The following ACOT12 variants were observed in gnomAD, a reference collection of about 807,000 sequenced individuals.
The protein encoded by ACOT12 is acetyl-coenzyme A thioesterase.
In ACOT12, 51 loss-of-function variants were observed where a neutral mutation model predicts 67.7. The observed-to-expected ratio is 0.75, with a 90% CI of 0.60 to 0.95. The LOEUF (loss-of-function observed/expected upper bound fraction) is 0.95, where lower values mean the gene tolerates loss of function less well. Among genes scored for constraint, ACOT12 ranks in the 40% least tolerant of loss-of-function variants. The probability of loss-of-function intolerance (pLI) is 0.00; values close to 1 mark genes in which losing one functional copy is unlikely to be tolerated. For missense variants in ACOT12, 734 were observed against 708.1 expected (o/e 1.04, Z -0.41); for synonymous variants, 251 against 244.6 (o/e 1.03, Z -0.24).
At chr5:81,337,148 C>T (rs1759029839) in intron 11 of ACOT12, among the ~76,000 whole-genome samples, 1 of 152,128 alleles carries the variant, frequency 6.6e-6, no homozygotes, top group Admixed American at 6.6e-5. Flanking sequence ...GGTGTATATC[C>T]AGAGAGATTA....
At chr5:81,324,019 G>A in the ACOT12 span, among the ~76,000 whole-genome samples, 1 of 151,780 alleles carries the variant, frequency 6.6e-6, no homozygotes, top group Non-Finnish European at 1.5e-5. Context: ...TTGGCTCACT[G>A]CAACCTCTGT....
chr5:81,337,575 G>A (rs896329994), intron 11 of ACOT12, among the ~76,000 whole-genome samples: 9 of 152,158 alleles, frequency 5.9e-5, no homozygotes, highest in Non-Finnish European at 1.0e-4. Context: ...TGCTTATAGG[G>A]AGAACACATG....
intron 5 of ACOT12, among the ~76,000 whole-genome samples, chr5:81,357,440 G>A (rs954256101): frequency 4.6e-5 from 7 of 152,022 alleles, no homozygotes; most frequent in Admixed American, 6.6e-5. Flanking sequence ...CCTTGCTGCT[G>A]AGAGGGAAGG....
chr5:81,311,871 A>G, the ACOT12 span, among the ~76,000 whole-genome samples: 1 of 152,230 alleles, frequency 6.6e-6, no homozygotes, highest in South Asian at 2.1e-4. Flanking sequence ...CCTGGACTAG[A>G]ATGATAATCC....
chr5:81,329,120 T>C (rs1446622263), downstream of ACOT12, among the ~76,000 whole-genome samples: 5 of 152,204 alleles, frequency 3.3e-5, no homozygotes, highest in East Asian at 5.8e-4. Context: ...TCTACTCCTT[T>C]AACTTCACAA....
intron 4 of ACOT12, among the ~76,000 whole-genome samples, chr5:81,362,520 C>A (rs1759946542): frequency 6.6e-6 from 1 of 152,112 alleles, no homozygotes; most frequent in Admixed American, 6.6e-5. Flanking sequence ...AAGTCTGAGG[C>A]TGGAGGGGGA....
chr5:81,393,769 T>A (rs1760926012), intron 1 of ACOT12, among the ~76,000 whole-genome samples: 2 of 152,034 alleles, frequency 1.3e-5, no homozygotes, highest in South Asian at 4.2e-4. Context: ...CCTCACTTGT[T>A]TAATGGAATG....
the ACOT12 span, chr5:81,312,474 C>T: frequency 8.0e-7 from 1 of 1,245,490 alleles, no homozygotes; most frequent in Admixed American, 2.0e-5. Context: ...TTTCCCAAAC[C>T]AATAACAATC....
chr5:81,310,067 T>C, the ACOT12 span, among the ~76,000 whole-genome samples: 2 of 151,206 alleles, frequency 1.3e-5, no homozygotes, highest in Non-Finnish European at 2.9e-5. Flanking sequence ...AATGCTCAGG[T>C]GCATTTCAGT....
chr5:81,345,852 A>G (rs760001607), intron 7 of ACOT12, 33 bp downstream of exon 7: 1 of 1,611,890 alleles, frequency 6.2e-7, no homozygotes, highest in South Asian at 1.1e-5. Context: ...GCAAGTTTAA[A>G]TTTCTTCATA....
At chr5:81,319,705 G>A in the ACOT12 span, among the ~76,000 whole-genome samples, 11 of 146,432 alleles carry the variant, frequency 7.5e-5, no homozygotes, top group African/African-American at 2.5e-4. Flanking sequence ...CAACAAGAGC[G>A]AAACTGTCTC....
At chr5:81,346,081 CA>C in intron 6 of ACOT12, 77 bp from the exon 7 acceptor site, 1 of 1,572,354 alleles carries the variant, frequency 6.4e-7, no homozygotes, top group Non-Finnish European at 8.6e-7. Context: ...GACAAGTCTT[CA>C]AATAAGCATT....
chr5:81,330,562 A>G lies in ACOT12; in HGVS notation c.1519-19T>C. 1.9e-6 allele frequency: 3 copies of G among 1,611,162 alleles called. No individual in the cohort carries two copies. Among genetic ancestry groups the G allele is most frequent in the Non-Finnish European group, 2.5e-6 (3 of 1,178,482 alleles). The stretch of plus-strand genomic sequence containing the variant: ...AAGATACCTGTTTCAAAAAGAAAGT[A>G]CAATATTTTAATTTCTTATTGACTT... On this transcript the variant is annotated intron_variant, in intron 14 of 14. Transcript: ENST00000307624.
chr5:81,353,178 T>G (rs1759605504), intron 5 of ACOT12, among the ~76,000 whole-genome samples: 1 of 152,054 alleles, frequency 6.6e-6, no homozygotes, highest in South Asian at 2.1e-4. Flanking sequence ...TAGAGGGAGG[T>G]GCTAGGTGAG....
chr5:81,381,640 A>G (rs1760588041), intron 2 of ACOT12, among the ~76,000 whole-genome samples: 1 of 152,184 alleles, frequency 6.6e-6, no homozygotes, highest in Non-Finnish European at 1.5e-5. Flanking sequence ...ATACAGCACA[A>G]AATAAATAAA....
At position 81,345,034 on chromosome 5, in the gene ACOT12, C is replaced by G. The variant is rs1382031479; in HGVS notation, c.781G>C (p.Val261Leu). Residue 261 changes from valine to leucine, a missense_variant, in exon 8 of 15, where the codon GTT becomes CTT. By Grantham distance (32) the Val-to-Leu change is conservative. Transcript: ENST00000307624. ...VNNTFQTCVE[V>L]GVRVEAFDCQ... ...TCAAAGGCCTCCACGCGAACTCCAA[C>G]TTCAACACTGTGAAGGGTGATGCAG... is the stretch of plus-strand genomic sequence containing the variant. 1 of 1,614,090 alleles carries G rather than the reference C, an allele frequency of 6.2e-7. No homozygotes were observed. The highest frequency in any genetic ancestry group is 1.1e-5 in the South Asian group (1 of 91,080).
downstream of ACOT12, among the ~76,000 whole-genome samples, chr5:81,329,435 C>G (rs2153840569): frequency 6.6e-6 from 1 of 152,210 alleles, no homozygotes; most frequent in Admixed American, 6.5e-5. Flanking sequence ...CTTGCTGGCA[C>G]AGGAAAAATG....
At chr5:81,332,361 T>G in intron 13 of ACOT12, 116 bp downstream of exon 13, 1 of 1,182,210 alleles carries the variant, frequency 8.5e-7, no homozygotes, top group Non-Finnish European at 1.2e-6. Flanking sequence ...ATAATTCAAA[T>G]AAACATAATT....
At chr5:81,340,729 T>C (rs1759169019) in intron 11 of ACOT12, among the ~76,000 whole-genome samples, 1 of 152,186 alleles carries the variant, frequency 6.6e-6, no homozygotes, top group Non-Finnish European at 1.5e-5. Flanking sequence ...AGAAAAAAAT[T>C]AGAGTCATAT....
Sources: allele counts gnomAD v4.1 joint callset (sites outside exome capture counted in the v4.1 genomes callset), GRCh38; gene constraint gnomAD v4.1.1; transcripts MANE v1.5; gene names NCBI Gene and HGNC (gene_info 2026-07-23, HGNC 2026-07-21).